The following DHRSX variants were observed in gnomAD, a reference collection of about 807,000 sequenced individuals.
The protein encoded by DHRSX is polyprenol dehydrogenase.
Under a neutral mutation model 34.0 loss-of-function variants are expected in DHRSX, and 31 were observed. That is an observed-to-expected ratio of 0.91 (90% confidence interval 0.69 to 1.23). The LOEUF (loss-of-function observed/expected upper bound fraction) is 1.23. Among genes scored for constraint, DHRSX ranks in the 50% most tolerant of loss-of-function variants. The pLI is 0.00. For synonymous variants in DHRSX, 201 were observed against 183.8 expected (o/e 1.09, Z -0.76); for missense variants, 414 against 428.1 (o/e 0.97, Z 0.29).
In DHRSX at chrX:2,308,576, C is replaced by T. The variant is rs182340300; in HGVS notation, c.287-16973G>A. Among the ~76,000 whole-genome samples the T allele has an allele frequency of 7.2e-5, 11 of 152,244 alleles. No individual in the cohort carries two copies. The East Asian group carries it at 1.5e-3, about 21-fold the overall frequency. On this transcript the variant is annotated intron_variant, in intron 3 of 6. Coordinates refer to ENST00000334651, the MANE Select transcript of DHRSX (RefSeq NM_145177.3). Reference sequence around the variant, plus strand: ...GCATGGTTTGGATCTGTGTAACCAACCTTGTAACCCAACAGGGCTAACTTG... The same window carrying T: ...GCATGGTTTGGATCTGTGTAACCAATCTTGTAACCCAACAGGGCTAACTTG...
intron 3 of DHRSX, among the ~76,000 whole-genome samples, chrX:2,319,299 G>A (rs904657230): frequency 6.8e-6 from 1 of 145,986 alleles, no homozygotes; most frequent in Non-Finnish European, 1.5e-5. Flanking sequence ...AATCCCAGCA[G>A]TTTGGGAGGC....
intron 3 of DHRSX, among the ~76,000 whole-genome samples, chrX:2,405,108 G>T (rs1195480962): frequency 6.6e-6 from 1 of 151,838 alleles, no homozygotes; most frequent in Non-Finnish European, 1.5e-5. Flanking sequence ...GTGTTTCACA[G>T]CAGCTTAGGG....
chrX:2,336,229 C>T (rs937570660), intron 3 of DHRSX, among the ~76,000 whole-genome samples: 2 of 151,524 alleles, frequency 1.3e-5, no homozygotes, highest in African/African-American at 4.8e-5. Context: ...AGGATGGTCT[C>T]GATCTACTGA....
intron 3 of DHRSX, among the ~76,000 whole-genome samples, chrX:2,358,408 A>C (rs1047752194): frequency 2.0e-5 from 3 of 152,170 alleles, no homozygotes; most frequent in African/African-American, 7.2e-5. Context: ...GAAGATACAC[A>C]TGCAGCTGGC....
intron 1 of DHRSX, among the ~76,000 whole-genome samples, chrX:2,455,054 G>A (rs2044276865): frequency 6.6e-6 from 1 of 151,338 alleles, no homozygotes; most frequent in African/African-American, 2.4e-5. Flanking sequence ...AGAGGTTGCG[G>A]TGAGTCAAGA....
At chrX:2,489,467 G>A in intron 1 of DHRSX, 1 of 1,613,866 alleles carries the variant, frequency 6.2e-7, no homozygotes, top group Non-Finnish European at 8.5e-7. Context: ...CATGCTGATG[G>A]TGGGGTACCT....
chrX:2,355,838 G>A (rs1192872812), intron 3 of DHRSX, among the ~76,000 whole-genome samples: 1 of 151,944 alleles, frequency 6.6e-6, no homozygotes, highest in Non-Finnish European at 1.5e-5. Flanking sequence ...GGTTGAGGTG[G>A]GCAGATCATC....
At chrX:2,357,900 A>G (rs746648717) in intron 3 of DHRSX, among the ~76,000 whole-genome samples, 13 of 152,264 alleles carry the variant, frequency 8.5e-5, no homozygotes, top group South Asian at 8.3e-4. Context: ...CATGTACATC[A>G]CTGGGGTGTG....
intron 3 of DHRSX, among the ~76,000 whole-genome samples, chrX:2,326,802 A>C (rs2042391857): frequency 7.3e-6 from 1 of 137,714 alleles, no homozygotes. Context: ...CTTCTATTTC[A>C]GTTTTTCTTT....
chrX:2,370,888 G>C (rs756287923), intron 3 of DHRSX, among the ~76,000 whole-genome samples: 5 of 152,232 alleles, frequency 3.3e-5, no homozygotes, highest in Admixed American at 6.5e-5. Context: ...GCAGCCACAG[G>C]GTTTGGCAGC....
intron 3 of DHRSX, among the ~76,000 whole-genome samples, chrX:2,303,726 G>T (rs1435902286): frequency 6.6e-6 from 1 of 150,586 alleles, no homozygotes. Context: ...ATGGGTAGAT[G>T]GATGGATAGG....
At chrX:2,436,821 T>G (rs893767780) in intron 1 of DHRSX, among the ~76,000 whole-genome samples, 4 of 151,842 alleles carry the variant, frequency 2.6e-5, no homozygotes, top group Non-Finnish European at 4.4e-5. Context: ...TTTGTAGAGA[T>G]GGGGTCTCAC....
intron 1 of DHRSX, among the ~76,000 whole-genome samples, chrX:2,465,101 C>T (rs1305276611): frequency 2.0e-5 from 3 of 150,754 alleles, no homozygotes; most frequent in Non-Finnish European, 4.4e-5. Flanking sequence ...CCTAAGCATG[C>T]GGCCCAGGGA....
intron 3 of DHRSX, among the ~76,000 whole-genome samples, chrX:2,393,966 G>A (rs7391945): frequency 0.052 from 7,950 of 152,194 alleles, 936 homozygotes; most frequent in East Asian, 0.18. Flanking sequence ...GGGACCATTC[G>A]GGGTTCAGGG....
rs192519482 is a variant in DHRSX, at chrX:2,322,312, G to A, written c.287-30709C>T. Among the ~76,000 whole-genome samples, 399 of 152,146 alleles carry A rather than the reference G, an allele frequency of 2.6e-3. 1 individual carries two copies. The highest frequency in any genetic ancestry group is 9.2e-3 in the African/African-American group (383 of 41,528). On this transcript the variant is annotated intron_variant, in intron 3 of 6. Coordinates refer to ENST00000334651, the MANE Select transcript of DHRSX (RefSeq NM_145177.3). ...GCCTGTAATCTCCACACTTTGGGACGCCAAGGCGGGTAGGTCACCTAAGGT... is the reference window on the plus strand; with the variant it reads ...GCCTGTAATCTCCACACTTTGGGACACCAAGGCGGGTAGGTCACCTAAGGT...
At chrX:2,448,068 T>G (rs752785448) in intron 1 of DHRSX, among the ~76,000 whole-genome samples, 2 of 151,316 alleles carry the variant, frequency 1.3e-5, no homozygotes, top group East Asian at 1.9e-4. Flanking sequence ...CTGGGTATGG[T>G]GGCATGCACC....
At chrX:2,477,446 A>G (rs1173975773) in intron 1 of DHRSX, among the ~76,000 whole-genome samples, 6 of 152,230 alleles carry the variant, frequency 3.9e-5, no homozygotes, top group African/African-American at 1.4e-4. Flanking sequence ...AACAAGAGAC[A>G]GGAATATTGT....
intron 3 of DHRSX, among the ~76,000 whole-genome samples, chrX:2,353,684 A>G (rs2042814660): frequency 6.6e-6 from 1 of 151,086 alleles, no homozygotes; most frequent in African/African-American, 2.4e-5. Context: ...CCCGGGTTCA[A>G]GCGATTCTCC....
intron 4 of DHRSX, among the ~76,000 whole-genome samples, chrX:2,269,868 T>C (rs1411118222): frequency 6.6e-6 from 1 of 152,160 alleles, no homozygotes; most frequent in East Asian, 1.9e-4. Flanking sequence ...GAGATATGTA[T>C]ATATCTATAG....
Sources: gnomAD v4.1 joint callset for allele counts (sites outside exome capture counted in the v4.1 genomes callset) on GRCh38, gnomAD v4.1.1 for gene constraint, MANE v1.5 for transcripts, NCBI Gene and HGNC (gene_info 2026-07-23, HGNC 2026-07-21) for gene names.